ALMS1: variants seen among roughly 807,000 people sequenced by gnomAD.
ALMS1 encodes the protein centrosome-associated protein ALMS1.
A neutral mutation model predicts 352.2 loss-of-function variants in ALMS1; 271 were observed. That is an observed-to-expected ratio of 0.77 (90% CI 0.70 to 0.85). The LOEUF (loss-of-function observed/expected upper bound fraction) is 0.85. Among genes scored for constraint, ALMS1 ranks in the 40% least tolerant of loss-of-function variants. The pLI, the probability that ALMS1 is intolerant of heterozygous loss-of-function variation, is 0.00. For missense variants in ALMS1, 5,445 were observed against 4,870.7 expected (o/e 1.12, Z -3.51); for synonymous variants, 1,865 against 1,761.2 (o/e 1.06, Z -1.48).
intron 2 of ALMS1, among the ~76,000 whole-genome samples, chr2:73,413,921 C>G (rs1263604262): frequency 6.6e-6 from 1 of 152,168 alleles, no homozygotes; most frequent in African/African-American, 2.4e-5. Context: ...CAATATTACA[C>G]TCTTAATAAC....
intron 13 of ALMS1, among the ~76,000 whole-genome samples, chr2:73,551,706 G>A (rs1558691205): frequency 1.3e-5 from 2 of 151,968 alleles, no homozygotes; most frequent in East Asian, 1.9e-4. Context: ...AAAGTGCTGG[G>A]ATTACAGGCA....
chr2:73,508,119 T>TCTTTTCCTTTC (rs1184961983), intron 10 of ALMS1, among the ~76,000 whole-genome samples: 2 of 151,178 alleles, frequency 1.3e-5, no homozygotes, highest in Admixed American at 1.3e-4. Context: ...TTTTCTCTTT[T>TCTTTTCCTTTC]CTTTTCCTTT....
chr2:73,449,029 T>G lies in ALMS1; in HGVS notation c.2502T>G (p.Ala834=), dbSNP rs761599987. ...TGGACAGCCATCTACCCGAAGAGGC[T>G]CTGAAAGTTTCAGCTGTTTCTGGAC... is the stretch of plus-strand genomic sequence containing the variant. ...ALLDSHLPEE[A]LKVSAVSGPA... Residue 834 remains alanine, a synonymous_variant, in exon 8 of 23, where the codon GCT becomes GCG. Coordinates refer to ENST00000613296, the MANE Select transcript of ALMS1 (RefSeq NM_001378454.1). The G allele has an allele frequency of 6.2e-7, 1 of 1,614,084 alleles. No individual in the cohort carries two copies. Among genetic ancestry groups the G allele is most frequent in the East Asian group, 2.2e-5 (1 of 44,862 alleles).
At chr2:73,403,715 G>A (rs572804505) in intron 1 of ALMS1, among the ~76,000 whole-genome samples, 1 of 152,124 alleles carries the variant, frequency 6.6e-6, no homozygotes, top group Non-Finnish European at 1.5e-5. Context: ...TAGTATTGTA[G>A]TTTTCAGTAG....
intron 6 of ALMS1, among the ~76,000 whole-genome samples, chr2:73,427,505 T>A (rs1426997132): frequency 1.1e-4 from 17 of 152,064 alleles, no homozygotes; most frequent in Admixed American, 7.9e-4. Flanking sequence ...CTTTTTTTTT[T>A]AAATTAAGTT....
At chr2:73,467,908 G>A (rs1433491235) in intron 9 of ALMS1, among the ~76,000 whole-genome samples, 1 of 151,990 alleles carries the variant, frequency 6.6e-6, no homozygotes, top group East Asian at 1.9e-4. Flanking sequence ...TGATAAGAAT[G>A]GTTACCTCTG....
In ALMS1 at chr2:73,534,839, T is replaced by G. The variant is rs1269812937; in HGVS notation, c.9797T>G (p.Leu3266Trp). 1.2e-6 allele frequency: 2 copies of G among 1,613,578 alleles called. No homozygotes were observed. Among genetic ancestry groups the G allele is most frequent in the Non-Finnish European group, 1.7e-6 (2 of 1,179,592 alleles). Residue 3266 changes from leucine to tryptophan, a missense_variant, in exon 12 of 23, where the codon TTG becomes TGG. Coordinates refer to ENST00000613296, the MANE Select transcript of ALMS1 (RefSeq NM_001378454.1). ...SRGTDGQPLL[L>W]PYKPSGSTKM... ...ACCTCCTTAGGCCAGCCTTTATTAT[T>G]GCCATATAAGCCTTCTGGTAGTACC...
Position 73,451,116 on chromosome 2 carries a change from C to T in ALMS1, c.4589C>T (p.Ser1530Phe), listed in dbSNP as rs1397871462. ...SPSYSQHRAKSGSFYQLALLG... is the reference protein window; with the variant it reads ...SPSYSQHRAKFGSFYQLALLG... ...TCCTACTCACAACATAGAGCAAAGT[C>T]TGGCAGTTTCTACCAACTGGCATTG... The change falls in exon 8 of 23, where the codon TCT (serine) becomes TTT (phenylalanine). Residue 1530 changes from serine (S) to phenylalanine (F), a missense_variant. Physicochemically the swap from Ser to Phe is radical, Grantham distance 155. Transcript: ENST00000613296. 1 of 1,613,824 alleles carries T rather than the reference C, an allele frequency of 6.2e-7. No individual in the cohort carries two copies.
intron 10 of ALMS1, among the ~76,000 whole-genome samples, chr2:73,495,942 T>C (rs1359414880): frequency 6.6e-6 from 1 of 152,208 alleles, no homozygotes; most frequent in East Asian, 1.9e-4. Flanking sequence ...TAGAGTACAG[T>C]GTTTATCTGC....
At chr2:73,568,328 A>G (rs1461952673) in intron 15 of ALMS1, among the ~76,000 whole-genome samples, 1 of 152,194 alleles carries the variant, frequency 6.6e-6, no homozygotes, top group Non-Finnish European at 1.5e-5. Flanking sequence ...TAATGTTGAA[A>G]TAAATATTCC....
At chr2:73,488,579 C>T (rs957220498) in intron 9 of ALMS1, among the ~76,000 whole-genome samples, 7 of 152,168 alleles carry the variant, frequency 4.6e-5, no homozygotes, top group Non-Finnish European at 2.9e-5. Context: ...GGGGCTTCTG[C>T]CTGTTCCTGG....
chr2:73,481,276 G>T (rs1410554738), intron 9 of ALMS1, among the ~76,000 whole-genome samples: 2 of 152,172 alleles, frequency 1.3e-5, no homozygotes, highest in Non-Finnish European at 2.9e-5. Flanking sequence ...AAGGGATCCA[G>T]TTTCAGCTTT....
intron 8 of ALMS1, chr2:73,454,328 G>A (rs1208602501): frequency 1.2e-5 from 12 of 985,036 alleles, no homozygotes; most frequent in African/African-American, 3.5e-5. Context: ...CTGAGTTTAC[G>A]TTCTTGTTCT....
chr2:73,502,901 C>T (rs953098393), intron 10 of ALMS1, among the ~76,000 whole-genome samples: 1 of 152,090 alleles, frequency 6.6e-6, no homozygotes, highest in East Asian at 1.9e-4. Context: ...CAAGGAACTT[C>T]TCTTTCTCCT....
intron 7 of ALMS1, among the ~76,000 whole-genome samples, chr2:73,444,788 T>C (rs1671775703): frequency 6.6e-6 from 1 of 152,200 alleles, no homozygotes; most frequent in Non-Finnish European, 1.5e-5. Flanking sequence ...CTGTTTGAAC[T>C]GTGATATATT....
chr2:73,452,889 T>G lies in ALMS1; in HGVS notation c.6362T>G (p.Val2121Gly). 1 of 1,613,814 alleles carries G rather than the reference T, an allele frequency of 6.2e-7. No homozygotes were observed. The highest frequency in any genetic ancestry group is 2.2e-5 in the East Asian group (1 of 44,850). Reference protein sequence around the residue: ...GSHVTEDVLKVSTIPGPAGQK... With the variant: ...GSHVTEDVLKGSTIPGPAGQK... Reference sequence around the variant, plus strand: ...CATGTAACTGAAGATGTGCTGAAGGTTTCAACAATTCCTGGACCAGCTGGC... The same window carrying G: ...CATGTAACTGAAGATGTGCTGAAGGGTTCAACAATTCCTGGACCAGCTGGC... Residue 2121 changes from valine (V) to glycine (G), a missense_variant, in exon 8 of 23, where the codon GTT becomes GGT. Transcript: ENST00000613296.
At chr2:73,426,651 T>G (rs1391513448) in intron 6 of ALMS1, 98 bp downstream of exon 6, 3 of 1,248,360 alleles carry the variant, frequency 2.4e-6, no homozygotes, top group East Asian at 4.8e-5. Flanking sequence ...TTTTACTGTT[T>G]CCTGGGTACA....
At chr2:73,584,806 C>T (rs1437426659) in intron 16 of ALMS1, among the ~76,000 whole-genome samples, 3 of 151,708 alleles carry the variant, frequency 2.0e-5, no homozygotes, top group African/African-American at 4.9e-5. Context: ...CCCTAAGTTC[C>T]CAAATCCATT....
At chr2:73,602,451 C>T in intron 20 of ALMS1, 83 bp downstream of exon 20, 1 of 1,522,030 alleles carries the variant, frequency 6.6e-7, no homozygotes, top group South Asian at 1.1e-5. Flanking sequence ...TGCTAAAGGC[C>T]AGCCCAGGCC....
Sources: gnomAD v4.1 joint callset for allele counts (sites outside exome capture counted in the v4.1 genomes callset) on GRCh38, gnomAD v4.1.1 for gene constraint, MANE v1.5 for transcripts, NCBI Gene and HGNC (gene_info 2026-07-23, HGNC 2026-07-21) for gene names.